AGAP3: variants seen among roughly 807,000 people sequenced by gnomAD.
AGAP3 encodes the protein ArfGAP with GTPase domain, ankyrin repeat and PH domain 3.
AGAP3 carries 24 observed loss-of-function variants against 96.9 expected under a neutral mutation model. The ratio of observed to expected loss-of-function variants is 0.25; its 90% confidence interval spans 0.18 to 0.35. AGAP3 has a LOEUF of 0.35. Ranked by LOEUF, AGAP3 falls within the 10% of genes least tolerant of loss-of-function variation. The probability of loss-of-function intolerance (pLI) is 1.00; values close to 1 mark genes in which losing one functional copy is unlikely to be tolerated. For synonymous variants in AGAP3, 563 were observed against 536.1 expected, an observed-to-expected ratio of 1.05 and a Z score of -0.69; for missense variants, 876 against 1,254.2, an observed-to-expected ratio of 0.70 and a Z score of 4.55.
chr7:151,142,262 A>G lies in AGAP3; in HGVS notation c.2050+9A>G. 6.2e-7 allele frequency: 1 copy of G among 1,612,114 alleles called. No individual in the cohort carries two copies. The highest frequency in any genetic ancestry group is 8.5e-7 in the Non-Finnish European group (1 of 1,179,436). On this transcript the variant is annotated intron_variant, in intron 15 of 17. Transcript: ENST00000397238. This position sits in a 1 kb window ranked among gnomAD's most constrained non-coding sequence, Gnocchi z 7.5. ...CGACTGCGATGCACCCAGTGAGTGC[A>G]AGGCTGGTGGGGCTGGGAGCTGGGG...
At position 151,141,833 on chromosome 7, in the gene AGAP3, C is replaced by T. The variant is rs1483669369; in HGVS notation, c.1805-65C>T. The T allele has an allele frequency of 3.3e-5, 53 of 1,605,046 alleles. No homozygotes were observed. Among genetic ancestry groups the T allele is most frequent in the Non-Finnish European group, 4.4e-5 (52 of 1,172,364 alleles). On this transcript the variant is annotated intron_variant, in intron 13 of 17. Transcript: ENST00000397238. This position sits in a 1 kb window ranked among gnomAD's most constrained non-coding sequence, Gnocchi z 4.2. The stretch of plus-strand genomic sequence containing the variant: ...AGCAGGGTAGTGAGTGGAGTTGTGG[C>T]GATAGCATGCCCTGGGTGTGCACGC...
chr7:151,120,860 G>T, intron 8 of AGAP3: 1 of 1,148,292 alleles, frequency 8.7e-7, no homozygotes. Flanking sequence ...CAGGCCCCAG[G>T]GCCTGCTGTC....
intron 8 of AGAP3, chr7:151,122,955 C>T: frequency 2.8e-6 from 4 of 1,435,936 alleles, no homozygotes; most frequent in Non-Finnish European, 3.6e-6. Context: ...AGGCTAGGAG[C>T]GCCGGAGCCC....
intron 11 of AGAP3, chr7:151,137,810 C>T (rs1800659704): frequency 2.7e-6 from 1 of 365,286 alleles, no homozygotes; most frequent in Non-Finnish European, 4.9e-6. Context: ...AGGAGGGGCC[C>T]CTCAAGGAGC....
chr7:151,138,610 C>G (rs1187859289), intron 12 of AGAP3, among the ~76,000 whole-genome samples: 1 of 152,220 alleles, frequency 6.6e-6, no homozygotes, highest in African/African-American at 2.4e-5. Context: ...AGAGGCCCAC[C>G]CTCTGCAGCT....
intron 1 of AGAP3, among the ~76,000 whole-genome samples, chr7:151,101,475 C>G (rs947144212): frequency 2.6e-5 from 4 of 152,210 alleles, no homozygotes; most frequent in African/African-American, 9.6e-5. Context: ...TGGCACTCAT[C>G]AGGGGTGCCC....
chr7:151,122,732 C>T, intron 8 of AGAP3: 1 of 1,613,870 alleles, frequency 6.2e-7, no homozygotes, highest in Non-Finnish European at 8.5e-7. Context: ...CAGATATGTG[C>T]CACTGTTTCC....
chr7:151,129,294 A>G (rs948957424), intron 10 of AGAP3, among the ~76,000 whole-genome samples: 4 of 151,744 alleles, frequency 2.6e-5, no homozygotes, highest in Non-Finnish European at 5.9e-5. Flanking sequence ...CTGTGGGGCT[A>G]ATGAGTTCTC....
At chr7:151,120,557 C>A in intron 8 of AGAP3, 1 of 1,181,900 alleles carries the variant, frequency 8.5e-7, no homozygotes, top group South Asian at 1.3e-5. Flanking sequence ...TTGCCCAAGG[C>A]GACACAGAGG....
At position 151,143,563 on chromosome 7, in the gene AGAP3, G is replaced by A; in HGVS notation, c.2496G>A (p.Met832Ile). 1.2e-6 allele frequency: 2 copies of A among 1,609,258 alleles called. No individual in the cohort carries two copies. The highest frequency in any genetic ancestry group is 1.7e-6 in the Non-Finnish European group (2 of 1,176,594). Reference protein sequence around the residue: ...GRTALHLSSAMANVVFTQLLI... With the variant: ...GRTALHLSSAIANVVFTQLLI... Reference sequence around the variant, plus strand: ...CGGCTCTACATCTCTCCAGTGCCATGGCCAACGTTGTCTTCACGCAGCTGC... The same window carrying A: ...CGGCTCTACATCTCTCCAGTGCCATAGCCAACGTTGTCTTCACGCAGCTGC... The change falls in exon 17 of 18, where the codon ATG becomes ATA. Residue 832 changes from methionine (M) to isoleucine (I), a missense_variant. By Grantham distance (10) the Met-to-Ile change is conservative. Transcript: ENST00000397238. The surrounding 1 kb of genome is among the most constrained non-coding windows in gnomAD (Gnocchi z 5.9).
At chr7:151,115,492 G>GCGCAGCGCCGGAGCCCGGCCGC in intron 1 of AGAP3, 1 of 1,017,938 alleles carries the variant, frequency 9.8e-7, no homozygotes, top group Non-Finnish European at 1.2e-6. Flanking sequence ...GACGCCCCGC[G>GCGCAGCGCCGGAGCCCGGCCGC]CGCAGCGCCG....
rs1319231243 is a variant in AGAP3, at chr7:151,114,627, G to C, written c.332-2166G>C. On this transcript the variant is annotated intron_variant, in intron 1 of 17. Transcript: ENST00000397238. This position sits in a 1 kb window ranked among gnomAD's most constrained non-coding sequence, Gnocchi z 4.4. ...CTCTCCAGGTCTGGGCTTGCCGGCCGCGAGGTGGAGGAGTTGAGGGACTCG... is the reference window on the plus strand; with the variant it reads ...CTCTCCAGGTCTGGGCTTGCCGGCCCCGAGGTGGAGGAGTTGAGGGACTCG... 1.3e-6 allele frequency: 1 copy of C among 795,546 alleles called. No individual in the cohort carries two copies. The highest frequency in any genetic ancestry group is 1.5e-6 in the Non-Finnish European group (1 of 655,068). The allele number at this position is 795,546 out of a possible 1,614,324, so 49.3% of individuals were successfully genotyped here.
intron 9 of AGAP3, among the ~76,000 whole-genome samples, chr7:151,128,055 G>T (rs1800250699): frequency 6.6e-6 from 1 of 152,188 alleles, no homozygotes; most frequent in Non-Finnish European, 1.5e-5. Context: ...TGGCTTGGTG[G>T]TCTGGGGGAT....
At position 151,144,290 on chromosome 7, in the gene AGAP3, C is replaced by T. The variant is rs186559878; in HGVS notation, c.*347C>T. The T allele has an allele frequency of 8.8e-5, 28 of 318,506 alleles. No individual in the cohort carries two copies. The highest frequency in any genetic ancestry group is 4.6e-4 in the African/African-American group (22 of 47,460). 19.7% of individuals were successfully genotyped at this position (318,506 alleles called of 1,614,324 possible). ...CCTTCATCCTGAAACAGGAAGAGGACGGCACCAAGTTGGGGGTGCTGGATG... is the reference window on the plus strand; with the variant it reads ...CCTTCATCCTGAAACAGGAAGAGGATGGCACCAAGTTGGGGGTGCTGGATG... On this transcript the variant is annotated 3_prime_UTR_variant, in exon 18 of 18. Transcript: ENST00000397238.
intron 1 of AGAP3, among the ~76,000 whole-genome samples, chr7:151,101,603 G>A (rs1385541589): frequency 1.3e-5 from 2 of 152,144 alleles, no homozygotes; most frequent in Admixed American, 6.5e-5. Context: ...GAGTGTGGGC[G>A]CCTCCCTCCC....
rs1798160486 is a variant in AGAP3, at chr7:151,086,680, CCG to C, written c.-60_-59del. On this transcript the variant is annotated 5_prime_UTR_variant, in exon 1 of 18. Transcript: ENST00000397238. ...CTCCCGCTCGCCGCTGCCGCCGCCG[CCG>C]CCGCCGCCGCCTCCGCCGCGCCGCC... is the stretch of plus-strand genomic sequence containing the variant. 1 of 211,050 alleles carries C rather than the reference CCG, an allele frequency of 4.7e-6. No individual in the cohort carries two copies. Among genetic ancestry groups the C allele is most frequent in the Non-Finnish European group, 8.0e-6 (1 of 124,252 alleles). The allele number at this position is 211,050 out of a possible 1,614,324, so 13.1% of individuals were successfully genotyped here. A position where few individuals can be genotyped will look rare whatever the true frequency, so the allele number is the denominator to read the frequency against.
At chr7:151,116,690 T>TGG in intron 1 of AGAP3, 103 bp from the exon 2 acceptor site, 1 of 1,345,732 alleles carries the variant, frequency 7.4e-7, no homozygotes. Flanking sequence ...TGCTGTCCTC[T>TGG]GGCCTGGGCT....
intron 12 of AGAP3, among the ~76,000 whole-genome samples, chr7:151,138,954 T>C (rs1800715809): frequency 6.6e-6 from 1 of 152,238 alleles, no homozygotes; most frequent in African/African-American, 2.4e-5. Context: ...CTTCCAGGGC[T>C]CTTCCGTTTG....
At chr7:151,138,347 TG>T in intron 12 of AGAP3, 34 bp downstream of exon 12, 1 of 1,578,600 alleles carries the variant, frequency 6.3e-7, no homozygotes. Context: ...CCACCTTTTC[TG>T]GGGCCCCAGT....
Sources: allele counts gnomAD v4.1 joint callset (sites outside exome capture counted in the v4.1 genomes callset), GRCh38; gene constraint gnomAD v4.1.1; non-coding constraint Gnocchi (gnomAD v3.1); transcripts MANE v1.5; gene names NCBI Gene and HGNC (gene_info 2026-07-23, HGNC 2026-07-21).